Variants in NAV2 observed in about 807,000 individuals in gnomAD.
The protein encoded by NAV2 is helicase, APC down-regulated 1.
NAV2 carries 54 observed loss-of-function variants against 223.2 expected under a neutral mutation model. That is an observed-to-expected ratio of 0.24 (90% CI 0.19 to 0.30). The LOEUF (loss-of-function observed/expected upper bound fraction) is 0.30, where lower values mean the gene tolerates loss of function less well. Among genes scored for constraint, NAV2 ranks in the 10% least tolerant of loss-of-function variants. The pLI, the probability that NAV2 is intolerant of heterozygous loss-of-function variation, is 1.00. For missense variants in NAV2, 2,806 were observed against 3,147.5 expected (o/e 0.89, Z 2.60); for synonymous variants, 1,279 against 1,239.3 (o/e 1.03, Z -0.67).
At chr11:19,731,223 A>G (rs1166716845) in intron 1 of NAV2, among the ~76,000 whole-genome samples, 1 of 152,162 alleles carries the variant, frequency 6.6e-6, no homozygotes, top group Non-Finnish European at 1.5e-5. Flanking sequence ...CATTTCCTGT[A>G]CATAAAATGC....
chr11:19,506,533 C>T (rs984646720), intron 1 of NAV2: 7 of 152,216 alleles, frequency 4.6e-5, no homozygotes. Context: ...CTATCTATCT[C>T]CCAGATCAGA....
At chr11:19,543,606 T>C (rs1176435881) in intron 1 of NAV2, among the ~76,000 whole-genome samples, 1 of 152,262 alleles carries the variant, frequency 6.6e-6, no homozygotes, top group Non-Finnish European at 1.5e-5. Flanking sequence ...TTTTTGACTG[T>C]GTAACTTTAT....
At chr11:20,049,277 C>A in intron 15 of NAV2, 82 bp downstream of exon 15, 2 of 1,043,708 alleles carry the variant, frequency 1.9e-6, no homozygotes, top group Non-Finnish European at 2.8e-6. Context: ...TCCCAAATGT[C>A]GAATAGCCTT....
chr11:20,050,038 C>T (rs1467955479), intron 16 of NAV2, 137 bp downstream of exon 16: 3 of 735,768 alleles, frequency 4.1e-6, no homozygotes, highest in South Asian at 1.6e-5. Context: ...CTCTGTGACA[C>T]ATGGACATGC....
intron 1 of NAV2, among the ~76,000 whole-genome samples, chr11:19,791,443 G>A (rs1444954732): frequency 6.6e-6 from 1 of 152,162 alleles, no homozygotes; most frequent in African/African-American, 2.4e-5. Context: ...GGAGCCCCTG[G>A]GGAGCACACG....
intron 1 of NAV2, among the ~76,000 whole-genome samples, chr11:19,422,828 T>C (rs1435486149): frequency 6.6e-6 from 1 of 152,236 alleles, no homozygotes; most frequent in Non-Finnish European, 1.5e-5. Flanking sequence ...CCTTCTGCCA[T>C]TCATTGATCC....
At chr11:20,016,874 C>T (rs10741809) in intron 11 of NAV2, among the ~76,000 whole-genome samples, 133,217 of 151,560 alleles carry the variant, frequency 0.88, 58,817 homozygotes, top group East Asian at 1. Context: ...GGTGCGGTGG[C>T]GCACACCTGT....
At chr11:19,824,842 C>T (rs544340557) in intron 1 of NAV2, among the ~76,000 whole-genome samples, 2 of 152,250 alleles carry the variant, frequency 1.3e-5, no homozygotes, top group East Asian at 1.9e-4. Flanking sequence ...TGGTGCATTT[C>T]GATTTTCTTA....
chr11:19,628,828 T>C (rs2047254661), intron 1 of NAV2, among the ~76,000 whole-genome samples: 1 of 152,172 alleles, frequency 6.6e-6, no homozygotes, highest in Non-Finnish European at 1.5e-5. Context: ...TCTGGAATCA[T>C]TGATTACCAT....
chr11:19,824,734 A>T (rs1182098704), intron 1 of NAV2, among the ~76,000 whole-genome samples: 1 of 152,182 alleles, frequency 6.6e-6, no homozygotes, highest in African/African-American at 2.4e-5. Flanking sequence ...GGTTATGTGG[A>T]CTTGTGGTTG....
At chr11:20,020,039 A>G (rs1456743139) in intron 11 of NAV2, among the ~76,000 whole-genome samples, 6 of 151,980 alleles carry the variant, frequency 3.9e-5, no homozygotes, top group Non-Finnish European at 7.4e-5. Flanking sequence ...GATTAGTGAT[A>G]TATTTTTCAG....
intron 1 of NAV2, among the ~76,000 whole-genome samples, chr11:19,811,234 C>G (rs944541948): frequency 2.6e-5 from 4 of 152,118 alleles, no homozygotes; most frequent in Non-Finnish European, 5.9e-5. Context: ...GGTAGGAAGC[C>G]TCTTGTCTTC....
chr11:19,456,601 C>T (rs1851965972), intron 1 of NAV2, among the ~76,000 whole-genome samples: 1 of 152,186 alleles, frequency 6.6e-6, no homozygotes, highest in African/African-American at 2.4e-5. Flanking sequence ...GACTCCTTTC[C>T]CTTTGCAGAT....
intron 1 of NAV2, among the ~76,000 whole-genome samples, chr11:19,624,078 C>T (rs956063294): frequency 2.0e-5 from 3 of 152,214 alleles, no homozygotes; most frequent in African/African-American, 7.2e-5. Flanking sequence ...GGCTGCAGAA[C>T]AGCGAGTATT....
At chr11:19,382,697 C>A (rs1258646069) in intron 1 of NAV2, among the ~76,000 whole-genome samples, 2 of 152,198 alleles carry the variant, frequency 1.3e-5, no homozygotes, top group Non-Finnish European at 2.9e-5. Context: ...AGACATTGTT[C>A]TAAGTGCTTC....
chr11:19,512,825 C>A (rs1454380625), intron 1 of NAV2, among the ~76,000 whole-genome samples: 2 of 152,192 alleles, frequency 1.3e-5, no homozygotes, highest in African/African-American at 4.8e-5. Flanking sequence ...TGCAGATCAG[C>A]ACGATATTGC....
At chr11:19,650,710 G>A (rs987071590) in intron 1 of NAV2, among the ~76,000 whole-genome samples, 2 of 152,160 alleles carry the variant, frequency 1.3e-5, no homozygotes, top group African/African-American at 4.8e-5. Flanking sequence ...GCAAATTGTG[G>A]TGTATTCACA....
At chr11:20,028,204 A>G (rs1425328426) in intron 11 of NAV2, among the ~76,000 whole-genome samples, 1 of 152,190 alleles carries the variant, frequency 6.6e-6, no homozygotes, top group African/African-American at 2.4e-5. Context: ...GCATTTTTTC[A>G]TAGCAAATCG....
chr11:19,934,725 G>A (rs973785262), intron 7 of NAV2, among the ~76,000 whole-genome samples: 1 of 152,118 alleles, frequency 6.6e-6, no homozygotes, highest in African/African-American at 2.4e-5. Context: ...CTTATAGCAG[G>A]GATTGCCTTG....
Sources: allele counts gnomAD v4.1 joint callset (sites outside exome capture counted in the v4.1 genomes callset), GRCh38; gene constraint gnomAD v4.1.1; transcripts MANE v1.5; gene names NCBI Gene and HGNC (gene_info 2026-07-23, HGNC 2026-07-21).